The following CERS6 variants were observed in gnomAD, a reference collection of about 807,000 sequenced individuals.
The protein encoded by CERS6 is LAG1 homolog, ceramide synthase 6.
A neutral mutation model predicts 56.8 loss-of-function variants in CERS6; 26 were observed. The ratio of observed to expected loss-of-function variants is 0.46; its 90% CI spans 0.34 to 0.63. The LOEUF is 0.63. CERS6 is among the 30% of genes least tolerant of loss of function. The pLI, the probability that CERS6 is intolerant of heterozygous loss-of-function variation, is 0.01. For synonymous variants in CERS6, 164 were observed against 173.3 expected, an observed-to-expected ratio of 0.95 and a Z score of 0.42; for missense variants, 415 against 467.5, an observed-to-expected ratio of 0.89 and a Z score of 1.04.
At chr2:168,689,826 A>G (rs755472933) in intron 4 of CERS6, among the ~76,000 whole-genome samples, 2 of 152,188 alleles carry the variant, frequency 1.3e-5, no homozygotes, top group Non-Finnish European at 2.9e-5. Context: ...AGGGCAGTGC[A>G]TGGCTTTGTA....
chr2:168,599,197 T>C (rs980035179), intron 3 of CERS6, among the ~76,000 whole-genome samples: 3 of 152,214 alleles, frequency 2.0e-5, no homozygotes, highest in Non-Finnish European at 4.4e-5. Context: ...AATAGGCTGC[T>C]TCTCTGGGTG....
intron 4 of CERS6, among the ~76,000 whole-genome samples, chr2:168,689,007 C>A (rs189463676): frequency 6.6e-6 from 1 of 152,264 alleles, no homozygotes; most frequent in African/African-American, 2.4e-5. Context: ...ATACCTTGCC[C>A]TCCTGCCTGT....
chr2:168,466,792 C>T (rs968907622), intron 1 of CERS6, among the ~76,000 whole-genome samples: 1 of 152,094 alleles, frequency 6.6e-6, no homozygotes, highest in Non-Finnish European at 1.5e-5. Context: ...ACTTAGAATT[C>T]GGTTGTGGGG....
intron 7 of CERS6, among the ~76,000 whole-genome samples, chr2:168,717,546 T>C (rs1429198128): frequency 1.3e-5 from 2 of 152,232 alleles, no homozygotes; most frequent in African/African-American, 2.4e-5. Context: ...TAGTATCATC[T>C]ATGATGCAAG....
chr2:168,459,713 G>T (rs1558957420), intron 1 of CERS6, among the ~76,000 whole-genome samples: 1 of 151,874 alleles, frequency 6.6e-6, no homozygotes, highest in African/African-American at 2.4e-5. Context: ...TGATCACAAA[G>T]AACAAAATGT....
chr2:168,582,789 G>A (rs1683449660), intron 3 of CERS6, among the ~76,000 whole-genome samples: 2 of 152,198 alleles, frequency 1.3e-5, no homozygotes, highest in African/African-American at 4.8e-5. Flanking sequence ...AGCTTTAGGT[G>A]CCTGGATTCA....
chr2:168,755,568 C>A (rs758647534), intron 8 of CERS6, among the ~76,000 whole-genome samples: 98 of 152,262 alleles, frequency 6.4e-4, no homozygotes, highest in Non-Finnish European at 6.2e-4. Flanking sequence ...GGCTTAAGAA[C>A]CTATCCCACC....
At chr2:168,758,862 A>C (rs1484785580) in intron 8 of CERS6, among the ~76,000 whole-genome samples, 11 of 152,158 alleles carry the variant, frequency 7.2e-5, no homozygotes, top group Admixed American at 6.6e-4. Flanking sequence ...AGGGTAAAGC[A>C]TAATGCTTTA....
chr2:168,689,439 T>C (rs1686441755), intron 4 of CERS6, among the ~76,000 whole-genome samples: 1 of 152,188 alleles, frequency 6.6e-6, no homozygotes, highest in Non-Finnish European at 1.5e-5. Flanking sequence ...TACATCAAAA[T>C]GTTAATGGTG....
chr2:168,504,728 C>T (rs1184248053), intron 1 of CERS6, among the ~76,000 whole-genome samples: 1 of 152,036 alleles, frequency 6.6e-6, no homozygotes, highest in Non-Finnish European at 1.5e-5. Context: ...CATTTGGTTT[C>T]TGGACAGGCA....
At chr2:168,707,308 A>G (rs915909674) in intron 6 of CERS6, among the ~76,000 whole-genome samples, 1 of 152,168 alleles carries the variant, frequency 6.6e-6, no homozygotes, top group Non-Finnish European at 1.5e-5. Flanking sequence ...TTGGGAAAAA[A>G]GTGTTGAAGT....
chr2:168,607,726 T>C (rs1467632357), intron 3 of CERS6, among the ~76,000 whole-genome samples: 5 of 152,168 alleles, frequency 3.3e-5, no homozygotes, highest in Admixed American at 3.3e-4. Context: ...TTGCAGTCTT[T>C]TCAGGGGTTA....
chr2:168,707,925 C>A (rs1314298939), intron 6 of CERS6, among the ~76,000 whole-genome samples: 13 of 152,080 alleles, frequency 8.5e-5, no homozygotes, highest in Non-Finnish European at 1.9e-4. Context: ...GACAAAGCAG[C>A]AAATTATTCT....
At chr2:168,701,731 T>G (rs1337711960) in intron 6 of CERS6, among the ~76,000 whole-genome samples, 1 of 152,074 alleles carries the variant, frequency 6.6e-6, no homozygotes, top group Non-Finnish European at 1.5e-5. Context: ...ATTTGGCCAG[T>G]TGCGGTACTC....
chr2:168,540,943 G>A (rs1695356747), intron 1 of CERS6, among the ~76,000 whole-genome samples: 1 of 152,104 alleles, frequency 6.6e-6, no homozygotes, highest in African/African-American at 2.4e-5. Context: ...TGATGGGGCT[G>A]GGCAGTTTAT....
intron 4 of CERS6, among the ~76,000 whole-genome samples, chr2:168,670,352 C>T (rs1329970813): frequency 3.3e-5 from 5 of 152,230 alleles, no homozygotes; most frequent in Admixed American, 2.6e-4. Flanking sequence ...GAATTCTAGT[C>T]ACATCCCCTT....
chr2:168,672,922 C>A (rs752262555), intron 4 of CERS6, among the ~76,000 whole-genome samples: 1 of 152,182 alleles, frequency 6.6e-6, no homozygotes, highest in East Asian at 1.9e-4. Flanking sequence ...GCCTAGAGAT[C>A]AATTCCTTCC....
chr2:168,721,210 T>C (rs1687357480), intron 8 of CERS6, among the ~76,000 whole-genome samples: 1 of 152,240 alleles, frequency 6.6e-6, no homozygotes. Flanking sequence ...TCATGCAATA[T>C]GCGATCTTTT....
intron 1 of CERS6, among the ~76,000 whole-genome samples, chr2:168,504,177 A>G (rs998832667): frequency 6.6e-6 from 1 of 152,112 alleles, no homozygotes; most frequent in Non-Finnish European, 1.5e-5. Flanking sequence ...TTGGGAGCCA[A>G]GGTAGGCAGA....
Sources: allele counts gnomAD v4.1 joint callset (sites outside exome capture counted in the v4.1 genomes callset), GRCh38; gene constraint gnomAD v4.1.1; transcripts MANE v1.5; gene names NCBI Gene and HGNC (gene_info 2026-07-23, HGNC 2026-07-21).